CUEDC1: variants seen among roughly 807,000 people sequenced by gnomAD.
CUEDC1 encodes the protein CUE domain containing 1.
A neutral mutation model predicts 43.7 loss-of-function variants in CUEDC1; 30 were observed. The ratio of observed to expected loss-of-function variants is 0.69; its 90% CI spans 0.51 to 0.93. The LOEUF (loss-of-function observed/expected upper bound fraction) is 0.93. Among genes scored for constraint, CUEDC1 ranks in the 40% least tolerant of loss-of-function variants. The pLI, the probability that CUEDC1 is intolerant of heterozygous loss-of-function variation, is 0.00. For missense variants in CUEDC1, 486 were observed against 549.0 expected (o/e 0.89, Z 1.15); for synonymous variants, 223 against 223.6 (o/e 1.00, Z 0.02).
chr17:57,885,139 T>C (rs1178206286), intron 2 of CUEDC1, 90 bp downstream of exon 2: 2 of 1,470,278 alleles, frequency 1.4e-6, no homozygotes, highest in African/African-American at 2.9e-5. Context: ...GAGGTTCCAG[T>C]GGTGGTTGGA....
At position 57,862,889 on chromosome 17, in the gene CUEDC1, C is replaced by T. The variant is rs551985268; in HGVS notation, c.*400G>A. 1 of 152,200 alleles carries T rather than the reference C, an allele frequency of 6.6e-6. No individual in the cohort carries two copies. Among genetic ancestry groups the T allele is most frequent in the East Asian group, 1.9e-4 (1 of 5,180 alleles). The allele number at this position is 152,200 out of a possible 1,614,324, so 9.4% of individuals were successfully genotyped here. A position where few individuals can be genotyped will look rare whatever the true frequency, so the allele number is the denominator to read the frequency against. ...AGAACGGACGGAGGCAGAGACTCCA[C>T]CTTCAGGCCAAAGAGCCTCTGGTGG... On this transcript the variant is annotated 3_prime_UTR_variant, in exon 11 of 11. Coordinates refer to ENST00000577830, the MANE Select transcript of CUEDC1 (RefSeq NM_001271875.2).
intron 1 of CUEDC1, among the ~76,000 whole-genome samples, chr17:57,902,286 A>G (rs2074480995): frequency 6.6e-6 from 1 of 152,130 alleles, no homozygotes; most frequent in Non-Finnish European, 1.5e-5. Flanking sequence ...CTGAGATCAC[A>G]CCACTCACTC....
intron 3 of CUEDC1, among the ~76,000 whole-genome samples, chr17:57,878,670 ATTTAT>A (rs2074163112): frequency 6.6e-6 from 1 of 151,480 alleles, no homozygotes. Context: ...TTATTTATTT[ATTTAT>A]TTATTTATTT....
chr17:57,891,605 C>T (rs1488971824), intron 1 of CUEDC1, among the ~76,000 whole-genome samples: 1 of 152,206 alleles, frequency 6.6e-6, no homozygotes, highest in Admixed American at 6.5e-5. Flanking sequence ...CATGTCACCT[C>T]GCTGTCATAT....
At chr17:57,946,282 C>G (rs2074959167) in intron 1 of CUEDC1, among the ~76,000 whole-genome samples, 1 of 152,176 alleles carries the variant, frequency 6.6e-6, no homozygotes, top group Non-Finnish European at 1.5e-5. Flanking sequence ...GTGATTCTCT[C>G]TTTTCAAAAT....
intron 1 of CUEDC1, among the ~76,000 whole-genome samples, chr17:57,937,414 C>G (rs984976412): frequency 1.3e-5 from 2 of 151,168 alleles, no homozygotes; most frequent in African/African-American, 4.9e-5. Flanking sequence ...GGTTCAAGAC[C>G]AGCCTGGGAA....
At chr17:57,932,537 A>G (rs1158112104) in intron 1 of CUEDC1, among the ~76,000 whole-genome samples, 2 of 147,386 alleles carry the variant, frequency 1.4e-5, no homozygotes, top group East Asian at 4.0e-4. Flanking sequence ...GTGAGCAGAG[A>G]TCACGCCACT....
At chr17:57,932,734 C>A (rs2074820453) in intron 1 of CUEDC1, among the ~76,000 whole-genome samples, 1 of 150,360 alleles carries the variant, frequency 6.7e-6, no homozygotes, top group Non-Finnish European at 1.5e-5. Flanking sequence ...TGGTGGCAGG[C>A]TCCTGTAATC....
rs115880842 is a variant in CUEDC1, at chr17:57,891,247, C to T, written c.-315-5368G>A. Among the ~76,000 whole-genome samples the T allele has an allele frequency of 1.2e-3, 179 of 152,336 alleles. 1 individual carries two copies. The highest frequency in any genetic ancestry group is 4.2e-3 in the African/African-American group (173 of 41,562). On this transcript the variant is annotated intron_variant, in intron 1 of 10. Coordinates refer to ENST00000577830, the MANE Select transcript of CUEDC1 (RefSeq NM_001271875.2). ...GATCCATCCGACCTGTGATTCCCTC[C>T]GACCCCAACCTGCTTCTCCCCTGCC...
intron 1 of CUEDC1, among the ~76,000 whole-genome samples, chr17:57,916,945 G>C (rs1288631579): frequency 6.6e-6 from 1 of 152,196 alleles, no homozygotes; most frequent in Non-Finnish European, 1.5e-5. Context: ...GAAGAGATGA[G>C]GGGATGGAGG....
At position 57,861,999 on chromosome 17, in the gene CUEDC1, G is replaced by A. The variant is rs1025404754; in HGVS notation, c.*1290C>T. On this transcript the variant is annotated 3_prime_UTR_variant, in exon 11 of 11. Transcript: ENST00000577830. ...AGTCCGGGCAGGGTGGGCGGGACGA[G>A]GTGCGATCGCCGGCTCGCCTTCGCT... 16 of 152,238 alleles carry A rather than the reference G, an allele frequency of 1.1e-4. No individual in the cohort carries two copies. Among genetic ancestry groups the A allele is most frequent in the Non-Finnish European group, 2.1e-4 (14 of 68,040 alleles). The allele number at this position is 152,238 out of a possible 1,614,324, so 9.4% of individuals were successfully genotyped here. A position where few individuals can be genotyped will look rare whatever the true frequency, so the allele number is the denominator to read the frequency against.
chr17:57,950,036 GATTCAACGAGCTAATCC>G (rs2074991397), intron 1 of CUEDC1, among the ~76,000 whole-genome samples: 1 of 152,172 alleles, frequency 6.6e-6, no homozygotes, highest in African/African-American at 2.4e-5. Context: ...GTCCTGTGAA[GATTCAACGAGCTAATCC>G]ATGTGAAGTA....
At chr17:57,887,655 C>CTTTTTTTTTTTTTTTTTT (rs3085786) in intron 1 of CUEDC1, among the ~76,000 whole-genome samples, 9 of 58,032 alleles carry the variant, frequency 1.6e-4, no homozygotes, top group Non-Finnish European at 2.1e-4. Context: ...CCACGCCTGG[C>CTTTTTTTTTTTTTTTTTT]TTTTTTTTTT....
At chr17:57,942,961 G>A (rs993360377) in intron 1 of CUEDC1, among the ~76,000 whole-genome samples, 2 of 152,112 alleles carry the variant, frequency 1.3e-5, no homozygotes, top group African/African-American at 4.8e-5. Flanking sequence ...CCAGGAGGCG[G>A]AGCTTGCAGT....
At chr17:57,887,067 C>T (rs1424496081) in intron 1 of CUEDC1, among the ~76,000 whole-genome samples, 3 of 151,982 alleles carry the variant, frequency 2.0e-5, no homozygotes, top group South Asian at 2.1e-4. Context: ...GTGATCTGCC[C>T]GCCTCGGCCT....
At chr17:57,944,937 C>T (rs944294735) in intron 1 of CUEDC1, among the ~76,000 whole-genome samples, 2 of 152,194 alleles carry the variant, frequency 1.3e-5, no homozygotes, top group African/African-American at 2.4e-5. Flanking sequence ...GAGAGGGTGT[C>T]GCCCCATCAG....
chr17:57,927,144 C>T lies in CUEDC1; in HGVS notation c.-316+28081G>A, dbSNP rs564969541. Among the ~76,000 whole-genome samples the T allele has an allele frequency of 5.3e-5, 8 of 152,182 alleles. No individual in the cohort carries two copies. The South Asian group carries it at 1.3e-3, about 24-fold the overall frequency. On this transcript the variant is annotated intron_variant, in intron 1 of 10. Coordinates refer to ENST00000577830, the MANE Select transcript of CUEDC1 (RefSeq NM_001271875.2). ...TCCTTTAACTCCCTGCCATTCTCACCGAGCGGCTGGGACAGAGAGTGGGGC... is the reference window on the plus strand; with the variant it reads ...TCCTTTAACTCCCTGCCATTCTCACTGAGCGGCTGGGACAGAGAGTGGGGC...
chr17:57,866,433 G>A (rs1568025181), intron 10 of CUEDC1, 41 bp downstream of exon 10: 4 of 1,595,202 alleles, frequency 2.5e-6, no homozygotes, highest in Non-Finnish European at 1.7e-6. Flanking sequence ...GGGGGCCCTG[G>A]CCTTGGGCAG....
chr17:57,944,306 G>A (rs543564827), intron 1 of CUEDC1, among the ~76,000 whole-genome samples: 1 of 151,096 alleles, frequency 6.6e-6, no homozygotes, highest in Admixed American at 6.6e-5. Context: ...TGCCTCCCAG[G>A]TTCAAGTGAT....
Sources: gnomAD v4.1 joint callset for allele counts (sites outside exome capture counted in the v4.1 genomes callset) on GRCh38, gnomAD v4.1.1 for gene constraint, MANE v1.5 for transcripts, NCBI Gene and HGNC (gene_info 2026-07-23, HGNC 2026-07-21) for gene names.